Variants in IL2RA observed in about 807,000 individuals in gnomAD.
IL2RA encodes interleukin-2 receptor subunit alpha.
IL2RA carries 24 observed loss-of-function variants against 37.8 expected under a neutral mutation model. That is an observed-to-expected ratio of 0.63 (90% CI 0.46 to 0.89). The LOEUF is 0.89. Among genes scored for constraint, IL2RA ranks in the 40% least tolerant of loss-of-function variants. IL2RA has a pLI of 0.00. For synonymous variants in IL2RA, 125 were observed against 114.6 expected (o/e 1.09, Z -0.58); for missense variants, 319 against 348.6 (o/e 0.92, Z 0.68).
At chr10:6,060,816 A>T (rs887271181) in intron 1 of IL2RA, among the ~76,000 whole-genome samples, 4 of 152,158 alleles carry the variant, frequency 2.6e-5, no homozygotes, top group Non-Finnish European at 4.4e-5. Flanking sequence ...CTCTTTAAAG[A>T]CACTCCTACA....
At chr10:6,052,844 T>G (rs1839986799) in intron 1 of IL2RA, among the ~76,000 whole-genome samples, 1 of 152,206 alleles carries the variant, frequency 6.6e-6, no homozygotes. Context: ...TCCTCTGTTT[T>G]GTGGCTGCTG....
At chr10:6,062,013 C>T (rs1840128758) in intron 1 of IL2RA, 75 bp downstream of exon 1, 2 of 1,237,962 alleles carry the variant, frequency 1.6e-6, no homozygotes, top group Non-Finnish European at 2.4e-6. Context: ...CTGGGGACTC[C>T]CTCTGGTTCT....
rs1345854750 is a variant in IL2RA at position 6,025,690 on chromosome 10, CTT to C, written c.256+142_256+143del. 1 of 798,944 alleles carries C rather than the reference CTT, an allele frequency of 1.3e-6. No individual in the cohort carries two copies. Among genetic ancestry groups the C allele is most frequent in the African/African-American group, 1.7e-5 (1 of 57,806 alleles). 49.5% of individuals were successfully genotyped at this position (798,944 alleles called of 1,614,324 possible). On this transcript the variant is annotated intron_variant, in intron 2 of 7. Transcript: ENST00000379959. The surrounding 1 kb of genome is among the most constrained non-coding windows in gnomAD (Gnocchi z 4.4). ...AAAAAAAATTGTGTTTAGTGAATGACTTTTCAGGAACCACTAAAATTAGTTAT... is the reference window on the plus strand; with the variant it reads ...AAAAAAAATTGTGTTTAGTGAATGACTTCAGGAACCACTAAAATTAGTTAT...
At chr10:6,043,168 A>T (rs1279466113) in intron 1 of IL2RA, among the ~76,000 whole-genome samples, 1 of 152,276 alleles carries the variant, frequency 6.6e-6, no homozygotes. Flanking sequence ...CTGTATTATT[A>T]TACAATGTAA....
In IL2RA at chr10:6,053,042, G is replaced by A. The variant is rs116332464; in HGVS notation, c.64+9046C>T. Among the ~76,000 whole-genome samples, 363 of 152,266 alleles carry A rather than the reference G, an allele frequency of 2.4e-3. 1 individual carries two copies. Among genetic ancestry groups the A allele is most frequent in the African/African-American group, 8.3e-3 (345 of 41,554 alleles). ...AGTGCCACGCGGCTCTGTGGGTACC[G>A]CCTCACTGCATGTACCTGGGGCTGA... On this transcript the variant is annotated intron_variant, in intron 1 of 7. Coordinates refer to ENST00000379959, the MANE Select transcript of IL2RA (RefSeq NM_000417.3).
chr10:6,022,452 GC>G lies in IL2RA; in HGVS notation c.368-760del, dbSNP rs1231816787. ...TAAATCTCTGAATTCCCCACCCACA[GC>G]CCCCAACCTGGACATATGGAATTGT... On this transcript the variant is annotated intron_variant, in intron 3 of 7. Transcript: ENST00000379959. This position sits in a 1 kb window ranked among gnomAD's most constrained non-coding sequence, Gnocchi z 4.7. Among the ~76,000 whole-genome samples the G allele has an allele frequency of 2.0e-5, 3 of 152,094 alleles. No homozygotes were observed. Among genetic ancestry groups the G allele is most frequent in the African/African-American group, 7.2e-5 (3 of 41,412 alleles).
intron 1 of IL2RA, among the ~76,000 whole-genome samples, chr10:6,031,613 C>G (rs185435746): frequency 4.7e-5 from 7 of 149,316 alleles, no homozygotes; most frequent in African/African-American, 1.7e-4. Context: ...ACAATTACAT[C>G]AAAAAACATA....
chr10:6,049,514 C>T (rs1198705860), intron 1 of IL2RA, among the ~76,000 whole-genome samples: 1 of 152,224 alleles, frequency 6.6e-6, no homozygotes, highest in African/African-American at 2.4e-5. Context: ...AATTGACCAT[C>T]ATGCTCATGC....
At position 6,018,009 on chromosome 10, in the gene IL2RA, G is replaced by A. The variant is rs1839307117; in HGVS notation, c.794+44C>T. On this transcript the variant is annotated intron_variant, in intron 7 of 7. Transcript: ENST00000379959. The surrounding 1 kb of genome is among the most constrained non-coding windows in gnomAD (Gnocchi z 5.1). ...GGAGGCAGGGTGGGGCTGGGTACAGGACTTTGATCTGACCAAGGGCTGCCT... is the reference window on the plus strand; with the variant it reads ...GGAGGCAGGGTGGGGCTGGGTACAGAACTTTGATCTGACCAAGGGCTGCCT... The A allele has an allele frequency of 1.9e-6, 3 of 1,542,656 alleles. No homozygotes were observed. The highest frequency in any genetic ancestry group is 1.7e-4 in the Middle Eastern group (1 of 5,900).
At chr10:6,055,418 C>CT (rs573415550) in intron 1 of IL2RA, among the ~76,000 whole-genome samples, 2 of 5,186 alleles carry the variant, frequency 3.9e-4, no homozygotes, top group African/African-American at 3.1e-4. Context: ...TTGGCCATCA[C>CT]TTTTTTTTTT....
At position 6,028,975 on chromosome 10, in the gene IL2RA, A is replaced by C. The variant is rs1839529329; in HGVS notation, c.65-2950T>G. On this transcript the variant is annotated intron_variant, in intron 1 of 7. Transcript: ENST00000379959. This position sits in a 1 kb window ranked among gnomAD's most constrained non-coding sequence, Gnocchi z 4.1. Reference sequence around the variant, plus strand: ...GCACCCCAGCCTGGGTTACAGAGTGAGTGAGAGTCTGTCTCAAAAAAAAAA... The same window carrying C: ...GCACCCCAGCCTGGGTTACAGAGTGCGTGAGAGTCTGTCTCAAAAAAAAAA... Among the ~76,000 whole-genome samples the C allele has an allele frequency of 7.1e-6, 1 of 141,656 alleles. No homozygotes were observed. The highest frequency in any genetic ancestry group is 2.5e-4 in the South Asian group (1 of 4,072). 92.9% of individuals were successfully genotyped at this position (141,656 alleles called of 152,430 possible).
rs962697234 is a variant in IL2RA at position 6,028,079 on chromosome 10, G to A, written c.65-2054C>T. On this transcript the variant is annotated intron_variant, in intron 1 of 7. Coordinates refer to ENST00000379959, the MANE Select transcript of IL2RA (RefSeq NM_000417.3). The surrounding 1 kb of genome is among the most constrained non-coding windows in gnomAD (Gnocchi z 4.1). ...CAGCTCAGGGCTACATGATTTTGGA[G>A]GAGGGAAACACGTGAGAGGCGCCCA... is the stretch of plus-strand genomic sequence containing the variant. Among the ~76,000 whole-genome samples the A allele has an allele frequency of 6.6e-6, 1 of 152,136 alleles. No homozygotes were observed. Among genetic ancestry groups the A allele is most frequent in the East Asian group, 1.9e-4 (1 of 5,196 alleles).
intron 1 of IL2RA, among the ~76,000 whole-genome samples, chr10:6,043,533 G>C (rs952266805): frequency 6.6e-6 from 1 of 152,126 alleles, no homozygotes; most frequent in Non-Finnish European, 1.5e-5. Flanking sequence ...CTGCCTCCAA[G>C]GTTTAAGTGA....
At chr10:6,026,322 G>GGA (rs1039172367) in intron 1 of IL2RA, among the ~76,000 whole-genome samples, 2 of 152,176 alleles carry the variant, frequency 1.3e-5, no homozygotes, top group African/African-American at 2.4e-5. Flanking sequence ...AAGCAAGTAT[G>GGA]GAGAGAGGAG....
chr10:6,042,751 A>C lies in IL2RA; in HGVS notation c.65-16726T>G, dbSNP rs560411495. Among the ~76,000 whole-genome samples, 375 of 152,336 alleles carry C rather than the reference A, an allele frequency of 2.5e-3. 1 individual carries two copies. The highest frequency in any genetic ancestry group is 0.015 in the South Asian group (73 of 4,832). The stretch of plus-strand genomic sequence containing the variant: ...GGAGGCCACAGAGATGACCAAAAAA[A>C]CATGTGGAAGCATTCTCAATATCAC... On this transcript the variant is annotated intron_variant, in intron 1 of 7. Transcript: ENST00000379959.
rs144151468 is a variant in IL2RA, at chr10:6,041,934, A to G, written c.65-15909T>C. On this transcript the variant is annotated intron_variant, in intron 1 of 7. Transcript: ENST00000379959. ...ATTGTTGATAAGGTAGCCAGATATA[A>G]GAAAGCTCCATAGCTACAATAACAT... 9.0e-3 allele frequency among the ~76,000 whole-genome samples: 1,368 copies of G among 152,202 alleles called. 8 individuals are homozygous for G. The highest frequency in any genetic ancestry group is 0.037 in the Middle Eastern group (11 of 294).
Position 6,033,261 on chromosome 10 carries a change from A to G in IL2RA, c.65-7236T>C, listed in dbSNP as rs1029991760. 2.0e-5 allele frequency among the ~76,000 whole-genome samples: 3 copies of G among 152,168 alleles called. No individual in the cohort carries two copies. Among genetic ancestry groups the G allele is most frequent in the Non-Finnish European group, 4.4e-5 (3 of 68,020 alleles). ...AGCTGAGATCACGCCACTGCCCTCC[A>G]GCCTGGGCAACAGAGTGAGACTCTG... is the stretch of plus-strand genomic sequence containing the variant. On this transcript the variant is annotated intron_variant, in intron 1 of 7. Transcript: ENST00000379959. The surrounding 1 kb of genome is among the most constrained non-coding windows in gnomAD (Gnocchi z 4.3).
chr10:6,033,134 T>C lies in IL2RA; in HGVS notation c.65-7109A>G, dbSNP rs890592244. Among the ~76,000 whole-genome samples, 15 of 152,048 alleles carry C rather than the reference T, an allele frequency of 9.9e-5. No individual in the cohort carries two copies. Among genetic ancestry groups the C allele is most frequent in the African/African-American group, 3.6e-4 (15 of 41,392 alleles). On this transcript the variant is annotated intron_variant, in intron 1 of 7. Coordinates refer to ENST00000379959, the MANE Select transcript of IL2RA (RefSeq NM_000417.3). This position sits in a 1 kb window ranked among gnomAD's most constrained non-coding sequence, Gnocchi z 4.3. ...GCTCACGCCTGTAATCTCAGCACTT[T>C]AGGAGGCTGAGACAGGTGGATCATT...
At chr10:6,019,832 C>T (rs1319238393) in intron 5 of IL2RA, 38 bp downstream of exon 5, 2 of 1,594,878 alleles carry the variant, frequency 1.3e-6, no homozygotes, top group East Asian at 2.2e-5. Context: ...CCCTTTTGGA[C>T]TAGGCCTCTG....
Sources: gnomAD v4.1 joint callset for allele counts (sites outside exome capture counted in the v4.1 genomes callset) on GRCh38, gnomAD v4.1.1 for gene constraint, Gnocchi (gnomAD v3.1) non-coding constraint, MANE v1.5 for transcripts, NCBI Gene and HGNC (gene_info 2026-07-23, HGNC 2026-07-21) for gene names.